Variants in FRMPD1 observed in about 807,000 individuals in gnomAD.
FRMPD1 encodes FERM and PDZ domain-containing protein 1.
In FRMPD1, 76 loss-of-function variants were observed where a neutral mutation model predicts 117.8. The observed-to-expected ratio is 0.65, with a 90% CI of 0.54 to 0.78. FRMPD1 has a LOEUF of 0.78. Ranked by LOEUF, FRMPD1 falls within the 30% of genes least tolerant of loss-of-function variation. The probability of loss-of-function intolerance (pLI) is 0.00; values close to 1 mark genes in which losing one functional copy is unlikely to be tolerated. For synonymous variants in FRMPD1, 783 were observed against 770.4 expected (o/e 1.02, Z -0.27); for missense variants, 1,786 against 1,964.5 (o/e 0.91, Z 1.72).
intron 5 of FRMPD1, among the ~76,000 whole-genome samples, chr9:37,713,183 A>G (rs1004101145): frequency 2.6e-5 from 4 of 152,238 alleles, no homozygotes; most frequent in African/African-American, 4.8e-5. Context: ...TAAAAAGGAT[A>G]ATGAGGATGG....
chr9:37,745,591 G>C lies in FRMPD1; in HGVS notation c.3559G>C (p.Glu1187Gln), dbSNP rs1288432606. 1 of 1,614,054 alleles carries C rather than the reference G, an allele frequency of 6.2e-7. No homozygotes were observed. The highest frequency in any genetic ancestry group is 8.5e-7 in the Non-Finnish European group (1 of 1,180,028). The change falls in exon 16 of 16, where the codon GAA becomes CAA. Residue 1187 changes from glutamate to glutamine, a missense_variant. Glu to Gln is a conservative substitution (Grantham distance 29, BLOSUM62 2). Transcript: ENST00000377765. ...TAGAGACCCTCAAGGACAGAGCAGA[G>C]AACCCCCAGGGCAAGGCTGCCAGGC... is the stretch of plus-strand genomic sequence containing the variant. ...PPRDPQGQSREPPGQGCQAQE... is the reference protein window; with the variant it reads ...PPRDPQGQSRQPPGQGCQAQE...
chr9:37,720,767 A>G (rs1223433639), intron 6 of FRMPD1, among the ~76,000 whole-genome samples: 2 of 147,820 alleles, frequency 1.4e-5, no homozygotes, highest in Non-Finnish European at 3.0e-5. Flanking sequence ...CGTGCCTGTA[A>G]TCCCAGCTAC....
chr9:37,737,737 C>T (rs1169318625), intron 14 of FRMPD1, among the ~76,000 whole-genome samples: 7 of 150,292 alleles, frequency 4.7e-5, no homozygotes, highest in Admixed American at 2.0e-4. Flanking sequence ...GCAAGAGAAT[C>T]GCTTGAACCC....
At chr9:37,721,838 C>A (rs959445079) in intron 6 of FRMPD1, among the ~76,000 whole-genome samples, 1 of 152,158 alleles carries the variant, frequency 6.6e-6, no homozygotes, top group African/African-American at 2.4e-5. Context: ...ATTAAGCCCA[C>A]CTAAAAATTG....
At chr9:37,605,492 C>A in the FRMPD1 span, among the ~76,000 whole-genome samples, 1 of 152,174 alleles carries the variant, frequency 6.6e-6, no homozygotes, top group Non-Finnish European at 1.5e-5. Context: ...CTACACCAGC[C>A]CCTGCTCTGG....
At chr9:37,743,437 T>TC (rs1824516074) in intron 15 of FRMPD1, among the ~76,000 whole-genome samples, 1 of 148,066 alleles carries the variant, frequency 6.8e-6, no homozygotes, top group African/African-American at 2.5e-5. Context: ...GGTTCAGAAA[T>TC]AGACAGCAAC....
At chr9:37,650,752 C>T (rs1588898487), upstream of FRMPD1, among the ~76,000 whole-genome samples, 2 of 151,972 alleles carry the variant, frequency 1.3e-5, no homozygotes, top group East Asian at 3.9e-4. Flanking sequence ...AGGCAGGGCC[C>T]GGGTGGGAGC....
rs1318108087 is a variant in FRMPD1, at chr9:37,745,655, C to T, written c.3623C>T (p.Pro1208Leu). The part of the protein sequence containing the change: ...QKLFVELDLD[P>L]DFFLGKQTVS... ...CTATTCGTAGAGTTGGATTTAGACC[C>T]TGATTTCTTTCTTGGGAAGCAGACA... Residue 1208 changes from proline to leucine, a missense_variant, in exon 16 of 16, where the codon CCT becomes CTT. Pro to Leu is a moderately conservative substitution (Grantham distance 98). Coordinates refer to ENST00000377765, the MANE Select transcript of FRMPD1 (RefSeq NM_014907.3). The T allele has an allele frequency of 8.1e-6, 13 of 1,614,072 alleles. No homozygotes were observed. The highest frequency in any genetic ancestry group is 1.1e-5 in the Non-Finnish European group (13 of 1,180,046).
chr9:37,732,239 G>A (rs1823917615), intron 9 of FRMPD1, 65 bp from the exon 10 acceptor site: 33 of 1,562,070 alleles, frequency 2.1e-5, no homozygotes, highest in South Asian at 3.4e-5. Flanking sequence ...CCTTTCACCC[G>A]AGAGAACGAG....
At chr9:37,696,051 C>CTTTT (rs61521469) in intron 2 of FRMPD1, among the ~76,000 whole-genome samples, 2,080 of 78,034 alleles carry the variant, frequency 0.027, 115 homozygotes, top group Non-Finnish European at 0.039. Context: ...CATTGTTTTG[C>CTTTT]TTTTTTTTTT....
chr9:37,745,416 G>A lies in FRMPD1; in HGVS notation c.3384G>A (p.Glu1128=), dbSNP rs3747541. 0.36 allele frequency: 573,627 copies of A among 1,612,992 alleles called. 104,667 individuals carry two copies. The highest frequency in any genetic ancestry group is 0.54 in the African/African-American group (40,146 of 74,900). The part of the protein sequence containing the change: ...NKNGTNVFQE[E]SRKDSGDSPG... ...ATGGCACCAACGTATTTCAGGAGGA[G>A]TCTAGGAAGGATTCAGGTGACTCCC... The change falls in exon 16 of 16, where the codon GAG becomes GAA. Residue 1128 remains glutamate, a synonymous_variant. Transcript: ENST00000377765.
intron 15 of FRMPD1, 42 bp from the exon 16 acceptor site, chr9:37,744,347 T>G: frequency 6.9e-7 from 1 of 1,450,006 alleles, no homozygotes; most frequent in Non-Finnish European, 9.4e-7. Context: ...TAACCTCTTT[T>G]TTTTGTGCTT....
chr9:37,663,775 T>C (rs1821069881), intron 1 of FRMPD1, among the ~76,000 whole-genome samples: 1 of 152,230 alleles, frequency 6.6e-6, no homozygotes, highest in Non-Finnish European at 1.5e-5. Context: ...TGGTGTAATG[T>C]TTGCATATAA....
chr9:37,674,465 A>G (rs1156415469), intron 1 of FRMPD1, among the ~76,000 whole-genome samples: 1 of 152,068 alleles, frequency 6.6e-6, no homozygotes, highest in Non-Finnish European at 1.5e-5. Flanking sequence ...GAGCCCTCCA[A>G]ACTGTTTCAA....
chr9:37,640,847 C>G, the FRMPD1 span, among the ~76,000 whole-genome samples: 1 of 152,174 alleles, frequency 6.6e-6, no homozygotes, highest in African/African-American at 2.4e-5. Context: ...TCAGTGGCAT[C>G]AATAAGTACA....
At chr9:37,608,798 G>A in the FRMPD1 span, among the ~76,000 whole-genome samples, 304 of 152,280 alleles carry the variant, frequency 2.0e-3, 2 homozygotes, top group Middle Eastern at 3.4e-3. Flanking sequence ...TATTGGGGGC[G>A]TATTGTGTGC....
intron 1 of FRMPD1, among the ~76,000 whole-genome samples, chr9:37,685,669 G>T (rs1821912743): frequency 6.6e-6 from 1 of 151,890 alleles, no homozygotes; most frequent in South Asian, 2.1e-4. Flanking sequence ...AAAAAAATTT[G>T]CCTTCCATTT....
chr9:37,659,935 C>CA (rs111503521), intron 1 of FRMPD1, among the ~76,000 whole-genome samples: 1 of 108,748 alleles, frequency 9.2e-6, no homozygotes, highest in African/African-American at 3.9e-5. Context: ...AAAAAAAAAA[C>CA]AAAACTGAGG....
At chr9:37,717,613 C>CA (rs1380705073) in intron 5 of FRMPD1, among the ~76,000 whole-genome samples, 1 of 152,120 alleles carries the variant, frequency 6.6e-6, no homozygotes, top group African/African-American at 2.4e-5. Flanking sequence ...CTCCTGGCTT[C>CA]AGGTGATCTG....
Sources: gnomAD v4.1 joint callset for allele counts (sites outside exome capture counted in the v4.1 genomes callset) on GRCh38, gnomAD v4.1.1 for gene constraint, MANE v1.5 for transcripts, NCBI Gene and HGNC (gene_info 2026-07-23, HGNC 2026-07-21) for gene names.